LRP1B: variants seen among roughly 807,000 people sequenced by gnomAD.
The protein encoded by LRP1B is low-density lipoprotein receptor-related protein 1B.
Under a neutral mutation model 556.6 loss-of-function variants are expected in LRP1B, and 217 were observed. The observed-to-expected ratio is 0.39, with a 90% CI of 0.35 to 0.44. The LOEUF (loss-of-function observed/expected upper bound fraction) is 0.44, where lower values mean the gene tolerates loss of function less well. LRP1B is among the 20% of genes least tolerant of loss of function. The pLI is 1.00. For missense variants in LRP1B, 5,053 were observed against 5,620.8 expected (o/e 0.90, Z 3.23); for synonymous variants, 2,047 against 1,865.8 (o/e 1.10, Z -2.50).
chr2:141,123,638 C>A (rs1295158455), intron 7 of LRP1B, among the ~76,000 whole-genome samples: 1 of 152,060 alleles, frequency 6.6e-6, no homozygotes, highest in Non-Finnish European at 1.5e-5. Context: ...CACACATCTG[C>A]CTAAATAACA....
intron 7 of LRP1B, among the ~76,000 whole-genome samples, chr2:141,088,144 A>T (rs1192696585): frequency 6.6e-6 from 1 of 152,058 alleles, no homozygotes; most frequent in Non-Finnish European, 1.5e-5. Context: ...GCAGTGTTTG[A>T]ATTTTGTTAG....
At chr2:141,666,079 A>G (rs1558791075) in intron 2 of LRP1B, among the ~76,000 whole-genome samples, 1 of 152,148 alleles carries the variant, frequency 6.6e-6, no homozygotes, top group Non-Finnish European at 1.5e-5. Flanking sequence ...ACACATTTAC[A>G]TATGTAACAA....
chr2:141,676,408 A>G (rs558598857), intron 2 of LRP1B, among the ~76,000 whole-genome samples: 106 of 152,284 alleles, frequency 7.0e-4, no homozygotes, highest in African/African-American at 2.5e-3. Flanking sequence ...GTCCTCTTTT[A>G]TAGGTGCCTT....
At chr2:140,241,066 C>T (rs2104887848) in intron 87 of LRP1B, among the ~76,000 whole-genome samples, 1 of 150,994 alleles carries the variant, frequency 6.6e-6, no homozygotes, top group Non-Finnish European at 1.5e-5. Flanking sequence ...CTCTTCTATC[C>T]ACTTCTTCAG....
chr2:141,109,337 T>G (rs1052397045), intron 7 of LRP1B, among the ~76,000 whole-genome samples: 2 of 152,018 alleles, frequency 1.3e-5, no homozygotes, highest in Non-Finnish European at 2.9e-5. Context: ...TTATTGCAAT[T>G]CCCCTTTCTT....
chr2:141,099,298 T>C (rs1174945446), intron 7 of LRP1B, among the ~76,000 whole-genome samples: 1 of 152,144 alleles, frequency 6.6e-6, no homozygotes, highest in Non-Finnish European at 1.5e-5. Context: ...AGCTTATGAA[T>C]AGATCAAGCA....
chr2:141,854,596 C>T (rs1697984264), intron 1 of LRP1B, among the ~76,000 whole-genome samples: 1 of 151,830 alleles, frequency 6.6e-6, no homozygotes, highest in Admixed American at 6.6e-5. Flanking sequence ...AGTCCATTGT[C>T]CATCATTTTG....
chr2:141,487,769 C>A (rs942238760), intron 2 of LRP1B, among the ~76,000 whole-genome samples: 2 of 151,968 alleles, frequency 1.3e-5, no homozygotes, highest in African/African-American at 4.8e-5. Context: ...AGGCTCAAAC[C>A]CTAGTCTCTC....
chr2:141,369,334 CAT>C (rs1160162893), intron 3 of LRP1B, among the ~76,000 whole-genome samples: 1 of 152,006 alleles, frequency 6.6e-6, no homozygotes, highest in Admixed American at 6.6e-5. Context: ...AGATAGGTAA[CAT>C]AGGTGAAAGA....
intron 6 of LRP1B, among the ~76,000 whole-genome samples, chr2:141,210,042 C>G (rs1472109159): frequency 6.6e-6 from 1 of 151,356 alleles, no homozygotes; most frequent in East Asian, 2.0e-4. Flanking sequence ...TTAAAATAAA[C>G]CTATAAGTCA....
At chr2:140,405,145 T>C (rs938044874) in intron 66 of LRP1B, among the ~76,000 whole-genome samples, 1 of 152,124 alleles carries the variant, frequency 6.6e-6, no homozygotes, top group African/African-American at 2.4e-5. Flanking sequence ...AAGATGCAAA[T>C]GAAAAAATTC....
chr2:141,718,716 TA>T (rs1434053734), intron 2 of LRP1B, among the ~76,000 whole-genome samples: 3 of 152,198 alleles, frequency 2.0e-5, no homozygotes, highest in Admixed American at 6.5e-5. Flanking sequence ...GTTAAGCATT[TA>T]AAACGTTAGT....
intron 35 of LRP1B, among the ~76,000 whole-genome samples, chr2:140,721,320 T>C (rs1449295052): frequency 6.6e-6 from 1 of 152,154 alleles, no homozygotes; most frequent in Non-Finnish European, 1.5e-5. Flanking sequence ...TACTCGTGGC[T>C]TTTATGTCAC....
At chr2:141,489,219 C>T (rs1683243218) in intron 2 of LRP1B, among the ~76,000 whole-genome samples, 3 of 142,560 alleles carry the variant, frequency 2.1e-5, no homozygotes, top group African/African-American at 7.9e-5. Flanking sequence ...AACTCTGGAG[C>T]TCAAGCAATC....
At chr2:140,470,197 T>G (rs1046559860) in intron 60 of LRP1B, among the ~76,000 whole-genome samples, 1 of 152,362 alleles carries the variant, frequency 6.6e-6, no homozygotes, top group South Asian at 2.1e-4. Flanking sequence ...CTTTGAAATA[T>G]GTTAATAATC....
chr2:141,461,626 C>A (rs1681876096), intron 3 of LRP1B, among the ~76,000 whole-genome samples: 1 of 152,102 alleles, frequency 6.6e-6, no homozygotes, highest in African/African-American at 2.4e-5. Context: ...AATATTTATC[C>A]AGACAGGTAA....
At chr2:141,864,522 C>G (rs1574441644) in intron 1 of LRP1B, among the ~76,000 whole-genome samples, 1 of 149,890 alleles carries the variant, frequency 6.7e-6, no homozygotes, top group South Asian at 2.1e-4. Context: ...AGGATGCATT[C>G]TTCCTTCTAC....
intron 1 of LRP1B, among the ~76,000 whole-genome samples, chr2:141,901,015 G>A (rs1248595949): frequency 6.6e-6 from 1 of 151,972 alleles, no homozygotes; most frequent in Non-Finnish European, 1.5e-5. Context: ...TCCTGAGAAA[G>A]TGTAAAGGTG....
chr2:140,770,210 C>G (rs1271743399), intron 34 of LRP1B, among the ~76,000 whole-genome samples: 1 of 151,446 alleles, frequency 6.6e-6, no homozygotes, highest in Non-Finnish European at 1.5e-5. Context: ...GTTTAAGGTG[C>G]TTAGAACAGT....
Sources: gnomAD v4.1 joint callset for allele counts (sites outside exome capture counted in the v4.1 genomes callset) on GRCh38, gnomAD v4.1.1 for gene constraint, MANE v1.5 for transcripts, NCBI Gene and HGNC (gene_info 2026-07-23, HGNC 2026-07-21) for gene names.